Variants in DCC observed in about 807,000 individuals in gnomAD.
The protein encoded by DCC is netrin receptor DCC.
A neutral mutation model predicts 172.5 loss-of-function variants in DCC; 58 were observed. That is an observed-to-expected ratio of 0.34 (90% CI 0.27 to 0.42). DCC has a LOEUF of 0.42. DCC is among the 10% of genes least tolerant of loss of function. The pLI, the probability that DCC is intolerant of heterozygous loss-of-function variation, is 1.00. For missense variants in DCC, 1,740 were observed against 1,791.0 expected, an observed-to-expected ratio of 0.97 and a Z score of 0.51; for synonymous variants, 709 against 644.5, an observed-to-expected ratio of 1.10 and a Z score of -1.52.
intron 3 of DCC, 116 bp downstream of exon 3, chr18:52,906,444 T>C: frequency 9.2e-7 from 1 of 1,082,342 alleles, no homozygotes. Flanking sequence ...GTTCATTGCG[T>C]TTTGTTTATT....
At chr18:52,500,553 A>G (rs967704367) in intron 1 of DCC, among the ~76,000 whole-genome samples, 1 of 152,194 alleles carries the variant, frequency 6.6e-6, no homozygotes. Context: ...GGCGCTAATA[A>G]GTATGTCTTT....
At chr18:52,894,986 C>CACTG (rs1007294009) in intron 2 of DCC, among the ~76,000 whole-genome samples, 1 of 152,184 alleles carries the variant, frequency 6.6e-6, no homozygotes, top group Non-Finnish European at 1.5e-5. Flanking sequence ...TTAGTCACCA[C>CACTG]ACTGACTGAC....
intron 9 of DCC, among the ~76,000 whole-genome samples, chr18:53,184,531 A>G (rs550642023): frequency 2.6e-5 from 4 of 152,206 alleles, no homozygotes; most frequent in East Asian, 3.9e-4. Flanking sequence ...GGTATAGCCT[A>G]TTGCTCCTAG....
chr18:53,050,780 C>T (rs7229493), intron 5 of DCC, among the ~76,000 whole-genome samples: 3 of 151,908 alleles, frequency 2.0e-5, no homozygotes, highest in Admixed American at 6.6e-5. Context: ...TCCTTCTACC[C>T]GATTGCTCCA....
rs2032742957 is a variant in DCC at position 52,550,604 on chromosome 18, T to C, written c.92-201450T>C. 2.6e-5 allele frequency among the ~76,000 whole-genome samples: 4 copies of C among 152,010 alleles called. 1 individual carries two copies. Among genetic ancestry groups the C allele is most frequent in the Admixed American group, 2.0e-4 (3 of 15,228 alleles). On this transcript the variant is annotated intron_variant, in intron 1 of 28. Transcript: ENST00000442544. Reference sequence around the variant, plus strand: ...CACACACACCAAATCCACACAAGGCTCCAAGGTACATATCCTAATACAACA... The same window carrying C: ...CACACACACCAAATCCACACAAGGCCCCAAGGTACATATCCTAATACAACA...
chr18:52,880,261 G>A lies in DCC; in HGVS notation c.413-25783G>A, dbSNP rs1235025699. Among the ~76,000 whole-genome samples the A allele has an allele frequency of 2.0e-5, 3 of 151,974 alleles. 1 individual carries two copies. In the South Asian group the frequency reaches 6.2e-4, roughly 32 times the overall value. Reference sequence around the variant, plus strand: ...AAGCAATTCTTGTGTCTCAGCCTCTGGAGTAACTGGAATTATAGCCATTCA... The same window carrying A: ...AAGCAATTCTTGTGTCTCAGCCTCTAGAGTAACTGGAATTATAGCCATTCA... On this transcript the variant is annotated intron_variant, in intron 2 of 28. Coordinates refer to ENST00000442544, the MANE Select transcript of DCC (RefSeq NM_005215.4).
In DCC at chr18:53,532,187, T is replaced by G. The variant is rs1386304372; in HGVS notation, c.*1534T>G. On this transcript the variant is annotated 3_prime_UTR_variant, in exon 29 of 29. Transcript: ENST00000442544. ...TTTCAAGCTTGAGTAGGTCATAATT[T>G]TAAAAGAGCATGGAAGGGATAGGAT... The G allele has an allele frequency of 6.6e-6, 1 of 152,196 alleles. No homozygotes were observed. Among genetic ancestry groups the G allele is most frequent in the Non-Finnish European group, 1.5e-5 (1 of 68,032 alleles). 9.4% of individuals were successfully genotyped at this position (152,196 alleles called of 1,614,324 possible).
chr18:52,403,190 A>C (rs1986505289), intron 1 of DCC, among the ~76,000 whole-genome samples: 1 of 152,088 alleles, frequency 6.6e-6, no homozygotes, highest in African/African-American at 2.4e-5. Context: ...GTAATTTTTA[A>C]GAAACATCTC....
intron 5 of DCC, among the ~76,000 whole-genome samples, chr18:52,984,599 AC>A (rs2041262958): frequency 6.6e-6 from 1 of 152,070 alleles, no homozygotes; most frequent in South Asian, 2.1e-4. Context: ...TAAGCCTTCA[AC>A]TTTTATTATA....
rs71175533 is a variant in DCC, at chr18:52,879,412, C to CTTTTTTTTTTTTTTTTTTTTTTTTTT, written c.413-26628_413-26603dup. On this transcript the variant is annotated intron_variant, in intron 2 of 28. Coordinates refer to ENST00000442544, the MANE Select transcript of DCC (RefSeq NM_005215.4). ...AATTTCTAGCCCATATGTTGTTTGG[C>CTTTTTTTTTTTTTTTTTTTTTTTTTT]TTTTTTTTTTTTTTTTTTTTTTTTT... Among the ~76,000 whole-genome samples the CTTTTTTTTTTTTTTTTTTTTTTTTTT allele has an allele frequency of 1.6e-3, 97 of 62,324 alleles. 23 individuals are homozygous for CTTTTTTTTTTTTTTTTTTTTTTTTTT. The highest frequency in any genetic ancestry group is 2.4e-3 in the East Asian group (4 of 1,700). 40.9% of individuals were successfully genotyped at this position (62,324 alleles called of 152,430 possible). A position where few individuals can be genotyped will look rare whatever the true frequency, so the allele number is the denominator to read the frequency against.
chr18:53,247,655 TTTATAGATG>T (rs1412729595), intron 12 of DCC, among the ~76,000 whole-genome samples: 2 of 151,990 alleles, frequency 1.3e-5, no homozygotes, highest in Non-Finnish European at 2.9e-5. Context: ...TAAATACATT[TTTATAGATG>T]TTAATTTTTA....
chr18:52,635,363 G>T (rs1255961823), intron 1 of DCC, among the ~76,000 whole-genome samples: 2 of 152,080 alleles, frequency 1.3e-5, no homozygotes, highest in African/African-American at 4.8e-5. Context: ...GGCAACAAGT[G>T]ACTGAAATAA....
Position 52,359,530 on chromosome 18 carries a change from A to G in DCC, c.91+18652A>G, listed in dbSNP as rs557816129. On this transcript the variant is annotated intron_variant, in intron 1 of 28. Coordinates refer to ENST00000442544, the MANE Select transcript of DCC (RefSeq NM_005215.4). ...AGAGTAAGCTTACTCTCCTGTCCTA[A>G]TTACCACCCCCTTCCTCCTTGTTGC... is the stretch of plus-strand genomic sequence containing the variant. Among the ~76,000 whole-genome samples, 3 of 152,226 alleles carry G rather than the reference A, an allele frequency of 2.0e-5. No homozygotes were observed. In the East Asian group the frequency reaches 5.8e-4, roughly 30 times the overall value.
At chr18:53,282,719 G>A (rs1487976382) in intron 12 of DCC, among the ~76,000 whole-genome samples, 3 of 151,994 alleles carry the variant, frequency 2.0e-5, no homozygotes, top group Admixed American at 6.6e-5. Context: ...TTCAAGTGGG[G>A]AATGAGCTAA....
At chr18:53,384,999 A>C (rs959446041) in intron 15 of DCC, among the ~76,000 whole-genome samples, 23 of 148,176 alleles carry the variant, frequency 1.6e-4, no homozygotes, top group Admixed American at 2.0e-4. Context: ...GGCACCCGCC[A>C]CAGTGCCCGG....
rs545851824 is a variant in DCC, at chr18:52,576,844, A to G, written c.92-175210A>G. On this transcript the variant is annotated intron_variant, in intron 1 of 28. Transcript: ENST00000442544. ...GCCTCCATCTCAAAAAAAAAAAAAA[A>G]GAAAATAATGTAGTTTCATCTATGT... Among the ~76,000 whole-genome samples the G allele has an allele frequency of 2.6e-5, 4 of 151,632 alleles. No individual in the cohort carries two copies. The South Asian group carries it at 8.3e-4, about 32-fold the overall frequency.
intron 12 of DCC, among the ~76,000 whole-genome samples, chr18:53,253,556 C>T (rs2056467704): frequency 2.0e-5 from 3 of 151,978 alleles, no homozygotes; most frequent in Admixed American, 2.0e-4. Flanking sequence ...CCAGTTTGGT[C>T]TCATTATAAC....
intron 5 of DCC, among the ~76,000 whole-genome samples, chr18:53,022,665 C>G (rs547375964): frequency 1.3e-5 from 2 of 151,800 alleles, no homozygotes; most frequent in East Asian, 3.9e-4. Context: ...TAATGTGTCA[C>G]TAGTATGCAG....
chr18:52,968,062 ATTC>A (rs1261888544), intron 5 of DCC, among the ~76,000 whole-genome samples: 1 of 152,196 alleles, frequency 6.6e-6, no homozygotes, highest in Non-Finnish European at 1.5e-5. Context: ...GGTGTATATT[ATTC>A]TTCTAGCATT....
Sources: allele counts gnomAD v4.1 joint callset (sites outside exome capture counted in the v4.1 genomes callset), GRCh38; gene constraint gnomAD v4.1.1; transcripts MANE v1.5; gene names NCBI Gene and HGNC (gene_info 2026-07-23, HGNC 2026-07-21).